Variants in RNF150 observed in about 807,000 individuals in gnomAD.
RNF150 encodes ring finger protein 150.
RNF150 carries 24 observed loss-of-function variants against 39.3 expected under a neutral mutation model. The observed-to-expected ratio is 0.61, with a 90% confidence interval of 0.44 to 0.86. The LOEUF is 0.86. Among genes scored for constraint, RNF150 ranks in the 40% least tolerant of loss-of-function variants. RNF150 has a pLI of 0.00. For missense variants in RNF150, 502 were observed against 587.8 expected, an observed-to-expected ratio of 0.85 and a Z score of 1.51; for synonymous variants, 255 against 227.3, an observed-to-expected ratio of 1.12 and a Z score of -1.10.
upstream of RNF150, among the ~76,000 whole-genome samples, chr4:141,137,959 A>G (rs1727052263): frequency 6.6e-6 from 1 of 152,200 alleles, no homozygotes; most frequent in South Asian, 2.1e-4. Flanking sequence ...CATAAGAGGT[A>G]GAGGCAGATT....
intron 1 of RNF150, among the ~76,000 whole-genome samples, chr4:141,062,633 T>G (rs1402150495): frequency 3.9e-5 from 6 of 152,214 alleles, no homozygotes. Flanking sequence ...TTTGTTCTTT[T>G]CTTATTGTTG....
At chr4:141,010,096 A>ACT (rs1735021297) in intron 1 of RNF150, among the ~76,000 whole-genome samples, 7 of 152,368 alleles carry the variant, frequency 4.6e-5, no homozygotes, top group African/African-American at 1.7e-4. Flanking sequence ...TAGAAAGACA[A>ACT]TGAGCACTTG....
intron 1 of RNF150, among the ~76,000 whole-genome samples, chr4:141,043,420 A>C (rs1194047709): frequency 6.6e-6 from 1 of 152,172 alleles, no homozygotes; most frequent in African/African-American, 2.4e-5. Context: ...GTAAAAATTC[A>C]TAAAATGCAA....
chr4:140,883,251 C>T (rs911500052), intron 6 of RNF150, among the ~76,000 whole-genome samples: 1 of 151,860 alleles, frequency 6.6e-6, no homozygotes, highest in Non-Finnish European at 1.5e-5. Context: ...TTTTTTTCAC[C>T]TTTGTCCTTT....
intron 1 of RNF150, among the ~76,000 whole-genome samples, chr4:141,120,150 A>C (rs1205866511): frequency 6.6e-6 from 1 of 152,222 alleles, no homozygotes; most frequent in Non-Finnish European, 1.5e-5. Context: ...TTATATTCCC[A>C]TGTGGGAGAC....
chr4:140,939,724 C>T (rs1198163612), intron 4 of RNF150, among the ~76,000 whole-genome samples: 1 of 151,572 alleles, frequency 6.6e-6, no homozygotes, highest in African/African-American at 2.4e-5. Context: ...TTTTGAGTGA[C>T]AGTTTGCAAG....
At chr4:140,917,074 G>C (rs1278290740) in intron 5 of RNF150, among the ~76,000 whole-genome samples, 1 of 152,286 alleles carries the variant, frequency 6.6e-6, no homozygotes, top group African/African-American at 2.4e-5. Flanking sequence ...ACTGGTACTA[G>C]CCACTGCAAA....
intron 1 of RNF150, among the ~76,000 whole-genome samples, chr4:141,016,223 C>T (rs938060377): frequency 6.6e-6 from 1 of 152,122 alleles, no homozygotes; most frequent in Admixed American, 6.5e-5. Flanking sequence ...CAACAGATTT[C>T]TCAAAGGTGA....
intron 1 of RNF150, among the ~76,000 whole-genome samples, chr4:141,131,537 G>A (rs566786642): frequency 6.6e-6 from 1 of 152,194 alleles, no homozygotes; most frequent in Non-Finnish European, 1.5e-5. Context: ...TGAGTTTTGG[G>A]ACAGTAATGC....
chr4:141,114,538 G>A (rs1015224870), intron 1 of RNF150, among the ~76,000 whole-genome samples: 9 of 152,068 alleles, frequency 5.9e-5, no homozygotes, highest in African/African-American at 1.9e-4. Flanking sequence ...AAAATCCCAG[G>A]ACCAGACGGA....
At chr4:141,058,215 T>A (rs138114102) in intron 1 of RNF150, among the ~76,000 whole-genome samples, 194 of 151,996 alleles carry the variant, frequency 1.3e-3, no homozygotes, top group African/African-American at 4.4e-3. Context: ...ATTATAAGAC[T>A]GCTATATACA....
At chr4:140,983,484 T>G in intron 1 of RNF150, among the ~76,000 whole-genome samples, 1 of 152,134 alleles carries the variant, frequency 6.6e-6, no homozygotes, top group South Asian at 2.1e-4. Flanking sequence ...CTTTCAACAA[T>G]ATATTTATAC....
At chr4:140,923,813 C>G (rs1731264893) in intron 5 of RNF150, among the ~76,000 whole-genome samples, 1 of 152,106 alleles carries the variant, frequency 6.6e-6, no homozygotes, top group Admixed American at 6.6e-5. Context: ...GAGCTCATGT[C>G]CTTTGTAGGG....
chr4:141,106,545 C>A (rs1428220766), intron 1 of RNF150, among the ~76,000 whole-genome samples: 1 of 152,122 alleles, frequency 6.6e-6, no homozygotes, highest in Non-Finnish European at 1.5e-5. Context: ...GTAATACCAG[C>A]ACTTTGGGAG....
chr4:141,070,732 A>G (rs190689505), intron 1 of RNF150, among the ~76,000 whole-genome samples: 7,057 of 129,786 alleles, frequency 0.054, 204 homozygotes, highest in Middle Eastern at 0.076. Context: ...TCAGGAAACA[A>G]CAGGTGCTGG....
At chr4:140,881,515 G>C (rs953455293) in intron 6 of RNF150, among the ~76,000 whole-genome samples, 12 of 151,860 alleles carry the variant, frequency 7.9e-5, no homozygotes, top group African/African-American at 2.7e-4. Context: ...TTACCTTTTT[G>C]TTTTCATTTG....
rs1434382257 is a variant in RNF150 at position 140,860,616 on chromosome 4, GT to G, written c.*7644del. The G allele has an allele frequency of 6.6e-6, 1 of 152,054 alleles. No homozygotes were observed. Among genetic ancestry groups the G allele is most frequent in the Non-Finnish European group, 1.5e-5 (1 of 67,976 alleles). The allele number at this position is 152,054 out of a possible 1,614,324, so 9.4% of individuals were successfully genotyped here. A position where few individuals can be genotyped will look rare whatever the true frequency, so the allele number is the denominator to read the frequency against. On this transcript the variant is annotated 3_prime_UTR_variant, in exon 7 of 7. Transcript: ENST00000515673. ...CAAAAGCATTTTGTTGCAAGCATTT[GT>G]TTACAATAAAAGTAATTTGTGTTAG...
intron 1 of RNF150, among the ~76,000 whole-genome samples, chr4:141,201,471 C>T (rs890989354): frequency 6.6e-6 from 1 of 152,118 alleles, no homozygotes; most frequent in East Asian, 1.9e-4. Context: ...GTATGAATGA[C>T]AATTCTCCTT....
intron 1 of RNF150, among the ~76,000 whole-genome samples, chr4:141,101,908 A>C (rs995801916): frequency 1.3e-5 from 2 of 152,014 alleles, no homozygotes; most frequent in Non-Finnish European, 2.9e-5. Flanking sequence ...CAGCCTCCCT[A>C]GTAGCTGGGA....
Sources: allele counts gnomAD v4.1 joint callset (sites outside exome capture counted in the v4.1 genomes callset), GRCh38; gene constraint gnomAD v4.1.1; transcripts MANE v1.5; gene names NCBI Gene and HGNC (gene_info 2026-07-23, HGNC 2026-07-21).